HPSE2: variants seen among roughly 807,000 people sequenced by gnomAD.
The protein encoded by HPSE2 is inactive heparanase-2.
Under a neutral mutation model 60.5 loss-of-function variants are expected in HPSE2, and 38 were observed. That is an observed-to-expected ratio of 0.63 (90% confidence interval 0.48 to 0.82). HPSE2 has a LOEUF of 0.82. Among genes scored for constraint, HPSE2 ranks in the 40% least tolerant of loss-of-function variants. The pLI, the probability that HPSE2 is intolerant of heterozygous loss-of-function variation, is 0.00. For synonymous variants in HPSE2, 295 were observed against 293.2 expected (o/e 1.01, Z -0.06); for missense variants, 713 against 740.4 (o/e 0.96, Z 0.43).
chr10:99,160,428 T>C (rs1489845974), intron 2 of HPSE2, among the ~76,000 whole-genome samples: 4 of 152,078 alleles, frequency 2.6e-5, no homozygotes, highest in African/African-American at 9.7e-5. Flanking sequence ...CAATACCAAG[T>C]GCTGCCAAGA....
intron 3 of HPSE2, among the ~76,000 whole-genome samples, chr10:98,998,779 A>T (rs1180183904): frequency 1.3e-5 from 2 of 152,216 alleles, no homozygotes; most frequent in Non-Finnish European, 2.9e-5. Flanking sequence ...GTTCTGTACT[A>T]AAATAAAAGG....
At position 99,232,470 on chromosome 10, in the gene HPSE2, G is replaced by GA. The variant is rs1449257630; in HGVS notation, c.325dup (p.Ser109PhefsTer40). On this transcript the variant is annotated frameshift_variant, in exon 2 of 12. Coordinates refer to ENST00000370552, the MANE Select transcript of HPSE2 (RefSeq NM_021828.5). LOFTEE classifies it high-confidence loss of function. ...GCCCCCGAAGCGCAGAAAGGCGGGCGAAAGTCCCCGGGCCAGGGTCACCAA... is the reference window on the plus strand; with the variant it reads ...GCCCCCGAAGCGCAGAAAGGCGGGCGAAAAGTCCCCGGGCCAGGGTCACCAA... 6.4e-7 allele frequency: 1 copy of GA among 1,556,936 alleles called. No individual in the cohort carries two copies. Among genetic ancestry groups the GA allele is most frequent in the Admixed American group, 1.9e-5 (1 of 51,750 alleles).
intron 3 of HPSE2, among the ~76,000 whole-genome samples, chr10:98,860,610 T>A (rs923288865): frequency 1.3e-5 from 2 of 152,148 alleles, no homozygotes; most frequent in African/African-American, 4.8e-5. Flanking sequence ...TTGCTCCAAG[T>A]CACACTTCTA....
In HPSE2 at chr10:98,710,249, C is replaced by T. The variant is rs181818500; in HGVS notation, c.956+11408G>A. 7.2e-5 allele frequency among the ~76,000 whole-genome samples: 11 copies of T among 152,260 alleles called. No individual in the cohort carries two copies. The East Asian group carries it at 2.1e-3, about 29-fold the overall frequency. ...GACCTCTCTCTCTCTTTCTCCCTTT[C>T]TCCTTCTCTCCCTCACCTTCAGTCC... On this transcript the variant is annotated intron_variant, in intron 5 of 11. Coordinates refer to ENST00000370552, the MANE Select transcript of HPSE2 (RefSeq NM_021828.5).
At chr10:98,544,253 G>C (rs1943574484) in intron 9 of HPSE2, among the ~76,000 whole-genome samples, 2 of 152,106 alleles carry the variant, frequency 1.3e-5, no homozygotes, top group Admixed American at 6.6e-5. Flanking sequence ...TGAAATGAAG[G>C]CAGAAATAAA....
chr10:99,058,004 T>A (rs1421357676), intron 3 of HPSE2, among the ~76,000 whole-genome samples: 2 of 152,184 alleles, frequency 1.3e-5, no homozygotes, highest in African/African-American at 4.8e-5. Context: ...AGTGAAGGGA[T>A]GTTACTACAT....
At chr10:98,653,120 T>A (rs1260435212) in intron 6 of HPSE2, among the ~76,000 whole-genome samples, 2 of 152,218 alleles carry the variant, frequency 1.3e-5, no homozygotes, top group Non-Finnish European at 2.9e-5. Context: ...GTGCTCTTTA[T>A]CCCTGTTAAT....
chr10:98,517,623 G>T (rs562778439), intron 9 of HPSE2, among the ~76,000 whole-genome samples: 1 of 152,268 alleles, frequency 6.6e-6, no homozygotes, highest in Non-Finnish European at 1.5e-5. Context: ...CATTCACCCA[G>T]CCAACTAAGG....
intron 3 of HPSE2, among the ~76,000 whole-genome samples, chr10:98,790,488 G>C (rs1267384358): frequency 6.6e-6 from 1 of 152,184 alleles, no homozygotes; most frequent in Non-Finnish European, 1.5e-5. Flanking sequence ...GGCTGGGAGG[G>C]AGAAGGAGGG....
chr10:98,858,438 T>C (rs749990696), intron 3 of HPSE2, among the ~76,000 whole-genome samples: 10 of 152,178 alleles, frequency 6.6e-5, no homozygotes, highest in African/African-American at 1.2e-4. Flanking sequence ...AATTGGGCAA[T>C]AGGAAATTCA....
At chr10:98,762,288 G>A (rs10883193) in intron 3 of HPSE2, among the ~76,000 whole-genome samples, 5,062 of 117,460 alleles carry the variant, frequency 0.043, 229 homozygotes, top group East Asian at 0.2. Context: ...AAAACCTGGC[G>A]GGGGTGGGGG....
intron 6 of HPSE2, among the ~76,000 whole-genome samples, chr10:98,691,577 C>T (rs1589647646): frequency 6.6e-6 from 1 of 152,338 alleles, no homozygotes; most frequent in East Asian, 1.9e-4. Context: ...TCTTTCTCCA[C>T]AAATCCTATA....
chr10:98,486,014 C>G (rs1314389011), intron 10 of HPSE2, among the ~76,000 whole-genome samples: 1 of 152,154 alleles, frequency 6.6e-6, no homozygotes, highest in Non-Finnish European at 1.5e-5. Flanking sequence ...CATAGTTCCC[C>G]TGGGGAAGAC....
chr10:99,021,786 A>G (rs1957268345), intron 3 of HPSE2, among the ~76,000 whole-genome samples: 1 of 150,430 alleles, frequency 6.6e-6, no homozygotes, highest in Non-Finnish European at 1.5e-5. Flanking sequence ...ACAGTTATAT[A>G]TGAAGGAAGA....
chr10:98,619,232 T>C (rs1465998650), intron 8 of HPSE2, among the ~76,000 whole-genome samples: 1 of 152,162 alleles, frequency 6.6e-6, no homozygotes, highest in East Asian at 1.9e-4. Flanking sequence ...TAGGAGGACA[T>C]TGCTCAGTCA....
At chr10:99,087,358 C>T (rs1282038348) in intron 3 of HPSE2, among the ~76,000 whole-genome samples, 3 of 152,166 alleles carry the variant, frequency 2.0e-5, no homozygotes, top group Non-Finnish European at 2.9e-5. Context: ...GCGTCCCACA[C>T]AGGGAATTAT....
intron 9 of HPSE2, among the ~76,000 whole-genome samples, chr10:98,565,131 C>T (rs1353087096): frequency 6.8e-6 from 1 of 147,410 alleles, no homozygotes; most frequent in East Asian, 2.1e-4. Flanking sequence ...AAACAGAAAC[C>T]CAAGCAGACA....
In HPSE2 at chr10:98,459,112, A is replaced by G. The variant is rs1033808055; in HGVS notation, c.*462T>C. 4.3e-6 allele frequency: 1 copy of G among 230,086 alleles called. No homozygotes were observed. Among genetic ancestry groups the G allele is most frequent in the Admixed American group, 5.1e-5 (1 of 19,638 alleles). The allele number at this position is 230,086 out of a possible 1,614,324, so 14.3% of individuals were successfully genotyped here. A position where few individuals can be genotyped will look rare whatever the true frequency, so the allele number is the denominator to read the frequency against. ...CAGCAGCAAGAAAGAGGCAGAGAAGAAGGAGTTGGGAGAGGATGGGTTTTT... is the reference window on the plus strand; with the variant it reads ...CAGCAGCAAGAAAGAGGCAGAGAAGGAGGAGTTGGGAGAGGATGGGTTTTT... On this transcript the variant is annotated 3_prime_UTR_variant, in exon 12 of 12. Coordinates refer to ENST00000370552, the MANE Select transcript of HPSE2 (RefSeq NM_021828.5).
chr10:99,260,621 C>T, the HPSE2 span, among the ~76,000 whole-genome samples: 2 of 152,196 alleles, frequency 1.3e-5, no homozygotes, highest in South Asian at 2.1e-4. Context: ...GGACCCAAAA[C>T]TCTGGCGCAG....
Sources: allele counts gnomAD v4.1 joint callset (sites outside exome capture counted in the v4.1 genomes callset), GRCh38; gene constraint gnomAD v4.1.1; transcripts MANE v1.5; gene names NCBI Gene and HGNC (gene_info 2026-07-23, HGNC 2026-07-21).